Variants in PRKN observed in about 807,000 individuals in gnomAD.
The protein encoded by PRKN is parkin RBR E3 ubiquitin protein ligase.
A neutral mutation model predicts 59.5 loss-of-function variants in PRKN; 56 were observed. The observed-to-expected ratio is 0.94, with a 90% CI of 0.76 to 1.18. PRKN has a LOEUF of 1.18. Ranked by LOEUF, PRKN falls within the 50% of genes most tolerant of loss-of-function variation. The pLI, the probability that PRKN is intolerant of heterozygous loss-of-function variation, is 0.00. For synonymous variants in PRKN, 250 were observed against 222.1 expected, an observed-to-expected ratio of 1.13 and a Z score of -1.12; for missense variants, 657 against 596.4, an observed-to-expected ratio of 1.10 and a Z score of -1.06.
chr6:162,418,539 G>C (rs1788763810), intron 2 of PRKN, among the ~76,000 whole-genome samples: 1 of 151,906 alleles, frequency 6.6e-6, no homozygotes, highest in South Asian at 2.1e-4. Flanking sequence ...AGAGATTGCA[G>C]AACAAGAATT....
At chr6:162,581,937 G>A (rs1449993691) in intron 1 of PRKN, among the ~76,000 whole-genome samples, 1 of 152,132 alleles carries the variant, frequency 6.6e-6, no homozygotes, top group Non-Finnish European at 1.5e-5. Flanking sequence ...ACCCAACAGG[G>A]AGAGGGGGAA....
In PRKN at chr6:161,878,177, T is replaced by G. The variant is rs146942065; in HGVS notation, c.735-92269A>C. Among the ~76,000 whole-genome samples the G allele has an allele frequency of 9.6e-3, 1,456 of 152,288 alleles. 21 individuals carry two copies. The highest frequency in any genetic ancestry group is 0.033 in the African/African-American group (1,357 of 41,546). ...ATCAAAATGAAACGTATTTGCTGAT[T>G]ACAACCGATGAGTTGCTCCAGTCGG... On this transcript the variant is annotated intron_variant, in intron 6 of 11. Transcript: ENST00000366898.
chr6:161,642,887 A>G (rs1288093907), intron 7 of PRKN, among the ~76,000 whole-genome samples: 3 of 152,212 alleles, frequency 2.0e-5, no homozygotes, highest in Admixed American at 6.5e-5. Context: ...CAATCTTTTA[A>G]TGGAAGATCA....
intron 7 of PRKN, among the ~76,000 whole-genome samples, chr6:161,679,512 T>A (rs1785220252): frequency 6.6e-6 from 1 of 150,732 alleles, no homozygotes; most frequent in Non-Finnish European, 1.5e-5. Flanking sequence ...CCTCGGAAGG[T>A]ACTTCCCGCT....
intron 5 of PRKN, among the ~76,000 whole-genome samples, chr6:161,977,708 C>T (rs552540016): frequency 1.3e-4 from 19 of 151,820 alleles, no homozygotes; most frequent in East Asian, 7.8e-4. Flanking sequence ...CCACCACGCC[C>T]GGCTACTTTT....
At chr6:161,601,726 G>T (rs2128143602) in intron 7 of PRKN, among the ~76,000 whole-genome samples, 1 of 152,052 alleles carries the variant, frequency 6.6e-6, no homozygotes, top group South Asian at 2.1e-4. Flanking sequence ...GGGATTACAG[G>T]CGCCCGCCAC....
intron 5 of PRKN, among the ~76,000 whole-genome samples, chr6:162,038,071 C>G (rs1331558117): frequency 6.6e-6 from 1 of 150,844 alleles, no homozygotes. Context: ...AATAATAAAA[C>G]TTTTCCTAAG....
At chr6:161,368,987 G>A (rs1785333956) in intron 10 of PRKN, among the ~76,000 whole-genome samples, 1 of 152,122 alleles carries the variant, frequency 6.6e-6, no homozygotes, top group Admixed American at 6.5e-5. Context: ...AGGGAGGGGA[G>A]TCCCAGACCC....
At chr6:161,392,677 C>G (rs535536733) in intron 9 of PRKN, among the ~76,000 whole-genome samples, 1 of 151,648 alleles carries the variant, frequency 6.6e-6, no homozygotes, top group East Asian at 1.9e-4. Context: ...ATACATTCTC[C>G]TTGGTATGTT....
intron 2 of PRKN, among the ~76,000 whole-genome samples, chr6:162,412,112 A>G (rs948608414): frequency 6.6e-6 from 1 of 152,174 alleles, no homozygotes; most frequent in Non-Finnish European, 1.5e-5. Flanking sequence ...CAGAATAGTA[A>G]GATGAACCTA....
intron 1 of PRKN, among the ~76,000 whole-genome samples, chr6:162,586,771 A>G (rs903225124): frequency 6.6e-6 from 1 of 152,232 alleles, no homozygotes; most frequent in Non-Finnish European, 1.5e-5. Flanking sequence ...GGACACAGAA[A>G]AAGAGAGAGA....
At chr6:162,538,749 T>G (rs1583756111) in intron 1 of PRKN, among the ~76,000 whole-genome samples, 2 of 152,332 alleles carry the variant, frequency 1.3e-5, no homozygotes, top group East Asian at 3.9e-4. Flanking sequence ...CAAAAAGCAC[T>G]GTCGTCAGCA....
At chr6:162,450,786 T>C (rs556649664) in intron 1 of PRKN, among the ~76,000 whole-genome samples, 1 of 152,238 alleles carries the variant, frequency 6.6e-6, no homozygotes, top group South Asian at 2.1e-4. Flanking sequence ...GTAAATGCAA[T>C]GTGGTAGCCT....
chr6:161,773,975 A>G (rs1789803750), intron 7 of PRKN, among the ~76,000 whole-genome samples: 1 of 152,160 alleles, frequency 6.6e-6, no homozygotes, highest in Admixed American at 6.5e-5. Flanking sequence ...GAATCACTTC[A>G]TCTGTAATCC....
At chr6:162,514,860 TC>T (rs1257839608) in intron 1 of PRKN, among the ~76,000 whole-genome samples, 4 of 152,210 alleles carry the variant, frequency 2.6e-5, no homozygotes, top group African/African-American at 9.6e-5. Flanking sequence ...CTATAATTTT[TC>T]TTTAATTAAA....
rs941685729 is a variant in PRKN, at chr6:161,575,828, G to A, written c.872-6412C>T. Among the ~76,000 whole-genome samples, 22 of 152,222 alleles carry A rather than the reference G, an allele frequency of 1.4e-4. No individual in the cohort carries two copies. Among genetic ancestry groups the A allele is most frequent in the African/African-American group, 5.1e-4 (21 of 41,452 alleles). The stretch of plus-strand genomic sequence containing the variant: ...CCCTAATGTGGGCTTGACAATTACA[G>A]TGACCTTCTATTTCCCCCCTAAGTA... On this transcript the variant is annotated intron_variant, in intron 7 of 11. Coordinates refer to ENST00000366898, the MANE Select transcript of PRKN (RefSeq NM_004562.3). This position sits in a 1 kb window ranked among gnomAD's most constrained non-coding sequence, Gnocchi z 4.6.
At chr6:162,093,867 GCTGA>G (rs1426938518) in intron 4 of PRKN, among the ~76,000 whole-genome samples, 2 of 152,176 alleles carry the variant, frequency 1.3e-5, no homozygotes, top group African/African-American at 4.8e-5. Flanking sequence ...CTCACCTCGT[GCTGA>G]GCACATGCAG....
In PRKN at chr6:161,769,538, C is replaced by T. The variant is rs114012692; in HGVS notation, c.871+16234G>A. Among the ~76,000 whole-genome samples, 1,119 of 152,200 alleles carry T rather than the reference C, an allele frequency of 7.4e-3. 10 individuals are homozygous for T. The highest frequency in any genetic ancestry group is 0.026 in the African/African-American group (1,059 of 41,528). ...TTTTTGACAGAGGCTGCCAGATGTC[C>T]GCCTAAATTCCTCTTTTCTCTGGTT... On this transcript the variant is annotated intron_variant, in intron 7 of 11. Transcript: ENST00000366898.
rs147203119 is a variant in PRKN at position 162,391,533 on chromosome 6, A to C, written c.171+51777T>G. ...CGCATGCTTGACGTGGATTTCGAAAATCTGCAATGACTTCCTTCTGGAAGA... is the reference window on the plus strand; with the variant it reads ...CGCATGCTTGACGTGGATTTCGAAACTCTGCAATGACTTCCTTCTGGAAGA... On this transcript the variant is annotated intron_variant, in intron 2 of 11. Transcript: ENST00000366898. 2.0e-4 allele frequency among the ~76,000 whole-genome samples: 31 copies of C among 151,306 alleles called. No homozygotes were observed. The South Asian group carries it at 4.2e-3, about 20-fold the overall frequency.
Sources: gnomAD v4.1 joint callset for allele counts (sites outside exome capture counted in the v4.1 genomes callset) on GRCh38, gnomAD v4.1.1 for gene constraint, Gnocchi (gnomAD v3.1) non-coding constraint, MANE v1.5 for transcripts, NCBI Gene and HGNC (gene_info 2026-07-23, HGNC 2026-07-21) for gene names.